Variants in DNAH9 observed in about 807,000 individuals in gnomAD.
The protein encoded by DNAH9 is dynein axonemal heavy chain 9.
DNAH9 carries 345 observed loss-of-function variants against 471.6 expected under a neutral mutation model. The ratio of observed to expected loss-of-function variants is 0.73; its 90% CI spans 0.67 to 0.80. The LOEUF is 0.80. Among genes scored for constraint, DNAH9 ranks in the 30% least tolerant of loss-of-function variants. The probability of loss-of-function intolerance (pLI) is 0.00; values close to 1 mark genes in which losing one functional copy is unlikely to be tolerated. For synonymous variants in DNAH9, 2,093 were observed against 2,123.6 expected, an observed-to-expected ratio of 0.99 and a Z score of 0.40; for missense variants, 5,407 against 5,609.2, an observed-to-expected ratio of 0.96 and a Z score of 1.15.
At chr17:11,797,937 G>GCCTGTAATCCC in intron 43 of DNAH9, 144 bp downstream of exon 43, 1 of 801,778 alleles carries the variant, frequency 1.2e-6, no homozygotes, top group Non-Finnish European at 2.0e-6. Flanking sequence ...GCTGCTGGCA[G>GCCTGTAATCCC]AGCAGCTGCA....
chr17:11,891,772 C>A lies in DNAH9; in HGVS notation c.11113-5C>A, dbSNP rs1481493293. 6.2e-7 allele frequency: 1 copy of A among 1,613,810 alleles called. No homozygotes were observed. Among genetic ancestry groups the A allele is most frequent in the Non-Finnish European group, 8.5e-7 (1 of 1,179,856 alleles). On this transcript the variant is annotated splice_region_variant and splice_polypyrimidine_tract_variant and intron_variant, in intron 57 of 68. Transcript: ENST00000262442. ...CCTTACCAGTTTCCTGTCTTCTGTC[C>A]CCAGGCCTTCAGTATCGTCTTCCAG...
At chr17:11,919,896 T>A (rs918659609) in intron 61 of DNAH9, among the ~76,000 whole-genome samples, 2 of 151,830 alleles carry the variant, frequency 1.3e-5, no homozygotes, top group Non-Finnish European at 2.9e-5. Context: ...GGTAAAAAAA[T>A]TTAGGAAGTA....
intron 29 of DNAH9, 112 bp from the exon 30 acceptor site, chr17:11,742,063 G>C (rs2075440676): frequency 1.1e-6 from 1 of 881,264 alleles, no homozygotes. Context: ...ATGAGTTTTT[G>C]CACTCACAGA....
intron 20 of DNAH9, among the ~76,000 whole-genome samples, chr17:11,691,370 T>G (rs998149350): frequency 1.3e-5 from 2 of 152,110 alleles, no homozygotes; most frequent in African/African-American, 4.8e-5. Context: ...GGGACAGAGG[T>G]GGAGATTCTT....
chr17:11,933,891 T>C lies in DNAH9; in HGVS notation c.12309T>C (p.Asp4103=), dbSNP rs372971220. 6 of 1,612,308 alleles carry C rather than the reference T, an allele frequency of 3.7e-6. No homozygotes were observed. Among genetic ancestry groups the C allele is most frequent in the African/African-American group, 2.7e-5 (2 of 74,886 alleles). Residue 4103 remains aspartate, a synonymous_variant, in exon 65 of 69, where the codon GAT becomes GAC. Coordinates refer to ENST00000262442, the MANE Select transcript of DNAH9 (RefSeq NM_001372.4). ...FLEANAKVPY[D]DLRYLFGEIM... is the part of the protein sequence containing the mutation. Reference sequence around the variant, plus strand: ...CCCCCATCACTCAGGTCCCCTATGATGATTTGCGCTACCTGTTTGGAGAGA... The same window carrying C: ...CCCCCATCACTCAGGTCCCCTATGACGATTTGCGCTACCTGTTTGGAGAGA...
intron 55 of DNAH9, 149 bp downstream of exon 55, chr17:11,881,562 TG>T: frequency 1.4e-6 from 1 of 735,070 alleles, no homozygotes; most frequent in Non-Finnish European, 2.1e-6. Context: ...TGTAGCAACC[TG>T]GGAATACCAT....
chr17:11,755,687 TACACAC>T (rs375603663), intron 33 of DNAH9, among the ~76,000 whole-genome samples: 1 of 148,536 alleles, frequency 6.7e-6, no homozygotes, highest in Admixed American at 6.7e-5. Flanking sequence ...TCAACACACA[TACACAC>T]ACACACACAC....
intron 9 of DNAH9, among the ~76,000 whole-genome samples, chr17:11,639,001 A>C (rs2073215111): frequency 1.3e-5 from 2 of 152,128 alleles, no homozygotes; most frequent in Admixed American, 1.3e-4. Flanking sequence ...TTATGCATCA[A>C]ATCTCTGCCT....
rs112985534 is a variant in DNAH9, at chr17:11,811,507, T to C, written c.8707+1138T>C. Among the ~76,000 whole-genome samples the C allele has an allele frequency of 2.2e-3, 337 of 152,128 alleles. 9 individuals carry two copies. The East Asian group carries it at 0.05, about 23-fold the overall frequency. Reference sequence around the variant, plus strand: ...ACTCTCATGCCCCCAACCAGAGATATGGAGGCCATAGGTAACTGATAGTGG... The same window carrying C: ...ACTCTCATGCCCCCAACCAGAGATACGGAGGCCATAGGTAACTGATAGTGG... On this transcript the variant is annotated intron_variant, in intron 45 of 68. Coordinates refer to ENST00000262442, the MANE Select transcript of DNAH9 (RefSeq NM_001372.4).
intron 6 of DNAH9, among the ~76,000 whole-genome samples, chr17:11,621,730 G>A (rs12942523): frequency 0.059 from 8,923 of 152,198 alleles, 365 homozygotes; most frequent in African/African-American, 0.11. Flanking sequence ...ACTAAAGGAC[G>A]AGATCCGGGA....
At chr17:11,661,670 A>G (rs1187612122) in intron 14 of DNAH9, among the ~76,000 whole-genome samples, 3 of 152,012 alleles carry the variant, frequency 2.0e-5, no homozygotes, top group Non-Finnish European at 4.4e-5. Context: ...GACTTTTCCT[A>G]CAGAAACCTT....
In DNAH9 at chr17:11,623,599, C is replaced by T. The variant is rs1020171235; in HGVS notation, c.1350+3818C>T. Among the ~76,000 whole-genome samples the T allele has an allele frequency of 2.6e-5, 4 of 152,240 alleles. No individual in the cohort carries two copies. Among genetic ancestry groups the T allele is most frequent in the South Asian group, 2.1e-4 (1 of 4,814 alleles). On this transcript the variant is annotated intron_variant, in intron 6 of 68. Coordinates refer to ENST00000262442, the MANE Select transcript of DNAH9 (RefSeq NM_001372.4). This position sits in a 1 kb window ranked among gnomAD's most constrained non-coding sequence, Gnocchi z 4.1. ...CACAGGACTATCAGCTGTCCTCTGG[C>T]ATATTTCATGTAGGCCTTTAGTTAA...
chr17:11,733,325 C>A (rs1057410207), intron 28 of DNAH9, among the ~76,000 whole-genome samples: 9 of 152,184 alleles, frequency 5.9e-5, no homozygotes, highest in African/African-American at 2.2e-4. Context: ...AAGTATGTCA[C>A]CTGCACAGAG....
In DNAH9 at chr17:11,704,422, GCCAAGATGATTGCTCAGAAGGTGGGTC is replaced by G; in HGVS notation, c.5376_5391+11del. On this transcript the variant is annotated splice_donor_variant and splice_donor_5th_base_variant and coding_sequence_variant and intron_variant, in exon 25 of 69. Transcript: ENST00000262442. LOFTEE classifies it high-confidence loss of function. ...CGATGTGCATGCCCGGGATGTGGTA[GCCAAGATGATTGCTCAGAAGGTGGGTC>G]CCAAACATCCAGGGATGCCCACTTT... 1.2e-6 allele frequency: 2 copies of G among 1,613,420 alleles called. No individual in the cohort carries two copies. Among genetic ancestry groups the G allele is most frequent in the South Asian group, 2.2e-5 (2 of 91,044 alleles).
intron 4 of DNAH9, among the ~76,000 whole-genome samples, chr17:11,615,323 AC>A (rs1323696757): frequency 6.6e-6 from 1 of 152,054 alleles, no homozygotes; most frequent in African/African-American, 2.4e-5. Context: ...AGTGGCTCAC[AC>A]CTGCAATCCC....
At chr17:11,764,104 C>T (rs193177495) in intron 36 of DNAH9, among the ~76,000 whole-genome samples, 49 of 152,250 alleles carry the variant, frequency 3.2e-4, no homozygotes, top group Admixed American at 1.6e-3. Context: ...CCAGAGAAGG[C>T]TGGACCAAAG....
intron 63 of DNAH9, among the ~76,000 whole-genome samples, chr17:11,930,857 A>G (rs1372662252): frequency 6.6e-6 from 1 of 151,858 alleles, no homozygotes; most frequent in Admixed American, 6.6e-5. Flanking sequence ...CCTCCAGGAG[A>G]TTCTTATACA....
rs955295380 is a variant in DNAH9 at position 11,616,078 on chromosome 17, G to T, written c.905-1333G>T. Among the ~76,000 whole-genome samples, 7 of 152,148 alleles carry T rather than the reference G, an allele frequency of 4.6e-5. No individual in the cohort carries two copies. In the East Asian group the frequency reaches 1.3e-3, roughly 29 times the overall value. On this transcript the variant is annotated intron_variant, in intron 4 of 68. Transcript: ENST00000262442. ...ATATTTTTGTGTATGGTGAGCCTCC[G>T]TGAAGCCAAGGGTTCAATGTAATAA...
chr17:11,759,099 C>T (rs3070057), intron 35 of DNAH9, among the ~76,000 whole-genome samples: 326 of 3,908 alleles, frequency 0.083, 52 homozygotes, highest in Middle Eastern at 0.5. Context: ...TTTTTTTTTT[C>T]TTTTTTTGAG....
Sources: allele counts gnomAD v4.1 joint callset (sites outside exome capture counted in the v4.1 genomes callset), GRCh38; gene constraint gnomAD v4.1.1; non-coding constraint Gnocchi (gnomAD v3.1); transcripts MANE v1.5; gene names NCBI Gene and HGNC (gene_info 2026-07-23, HGNC 2026-07-21).